The following AMMECR1 variants were observed in gnomAD, a reference collection of about 807,000 sequenced individuals.
AMMECR1 encodes AMMECR nuclear protein 1, also known as nuclear protein AMMECR1.
In AMMECR1, 3 loss-of-function variants were observed where a neutral mutation model predicts 22.5. The observed-to-expected ratio is 0.13, with a 90% CI of 0.06 to 0.35. AMMECR1 has a LOEUF of 0.35. AMMECR1 is among the 10% of genes least tolerant of loss of function. The pLI is 1.00. For missense variants in AMMECR1, 235 were observed against 278.7 expected, an observed-to-expected ratio of 0.84 and a Z score of 1.12; for synonymous variants, 130 against 116.7, an observed-to-expected ratio of 1.11 and a Z score of -0.74.
intron 2 of AMMECR1, among the ~76,000 whole-genome samples, chrX:110,411,956 T>C (rs1049162602): frequency 8.9e-6 from 1 of 112,657 alleles, no homozygotes; most frequent in Non-Finnish European, 1.9e-5. Context: ...AACGAGCTTC[T>C]GTAGACCAAT....
intron 1 of AMMECR1, among the ~76,000 whole-genome samples, chrX:110,427,995 G>A (rs777068323): frequency 8.9e-6 from 1 of 111,858 alleles, no homozygotes; most frequent in South Asian, 3.8e-4. Flanking sequence ...TGGGTTAGAT[G>A]CCCCTCCTCT....
At chrX:110,229,868 C>T (rs767029616) in intron 2 of AMMECR1, among the ~76,000 whole-genome samples, 1 of 112,658 alleles carries the variant, frequency 8.9e-6, no homozygotes, top group Non-Finnish European at 1.9e-5. Flanking sequence ...GTGCCTGGCT[C>T]GGCAGCTCCC....
At chrX:110,209,468 T>A (rs186019345) in intron 3 of AMMECR1, among the ~76,000 whole-genome samples, 1 of 112,425 alleles carries the variant, frequency 8.9e-6, no homozygotes, top group Admixed American at 9.4e-5. Context: ...AATGGAGACA[T>A]TAATGGCTTA....
Position 110,201,019 on chromosome X carries a change from T to C in AMMECR1, c.822A>G (p.Leu274=), listed in dbSNP as rs146457392. 171 of 1,202,537 alleles carry C rather than the reference T, an allele frequency of 1.4e-4. 1 individual carries two copies. The highest frequency in any genetic ancestry group is 1.4e-4 in the Non-Finnish European group (121 of 888,961). The change falls in exon 5 of 6, where the codon TTA becomes TTG. Residue 274 remains leucine, a synonymous_variant. Coordinates refer to ENST00000262844, the MANE Select transcript of AMMECR1 (RefSeq NM_015365.3). ...GWDHIQTIDS[L]LRKGGYKAPI... ...GAGCTTTGTATCCTCCTTTCCTCAA[T>C]AAGGAGTCTATGGTCTGTATATGGT... is the stretch of plus-strand genomic sequence containing the variant.
At chrX:110,303,540 T>C (rs2067979272) in intron 1 of AMMECR1, among the ~76,000 whole-genome samples, 1 of 112,221 alleles carries the variant, frequency 8.9e-6, no homozygotes, top group South Asian at 3.7e-4. Flanking sequence ...TAAAAACCAC[T>C]GGATTCCATT....
chrX:110,274,863 T>G (rs1487973135), intron 1 of AMMECR1, among the ~76,000 whole-genome samples: 1 of 111,864 alleles, frequency 8.9e-6, no homozygotes, highest in African/African-American at 3.2e-5. Flanking sequence ...ATTATTAGCT[T>G]ATTAGTTATG....
intron 2 of AMMECR1, among the ~76,000 whole-genome samples, chrX:110,254,740 C>A (rs1156624816): frequency 8.9e-6 from 1 of 112,137 alleles, no homozygotes; most frequent in Admixed American, 9.5e-5. Context: ...AAGTAAACTT[C>A]CCTTCCATTT....
At chrX:110,225,732 G>T (rs1239276683) in intron 2 of AMMECR1, among the ~76,000 whole-genome samples, 4 of 111,934 alleles carry the variant, frequency 3.6e-5, no homozygotes, top group African/African-American at 9.7e-5. Flanking sequence ...TTCTGGATTT[G>T]GGATGCTCAA....
At chrX:110,418,728 C>A (rs1226754641) in intron 2 of AMMECR1, among the ~76,000 whole-genome samples, 1 of 111,463 alleles carries the variant, frequency 9.0e-6, no homozygotes, top group Non-Finnish European at 1.9e-5. Context: ...GAAACGGAGC[C>A]GAATACCTGA....
At chrX:110,240,233 A>G (rs2067623711) in intron 2 of AMMECR1, among the ~76,000 whole-genome samples, 1 of 110,673 alleles carries the variant, frequency 9.0e-6, no homozygotes, top group East Asian at 2.8e-4. Flanking sequence ...TAAATGGGCT[A>G]AATGCCCCAA....
intron 2 of AMMECR1, among the ~76,000 whole-genome samples, chrX:110,410,230 G>C (rs757564685): frequency 2.0e-4 from 22 of 111,489 alleles, no homozygotes; most frequent in Non-Finnish European, 2.3e-4. Flanking sequence ...GGGACGATCT[G>C]ACATTATTAG....
Position 110,244,336 on chromosome X carries a change from G to T in AMMECR1, c.584+20153C>A, listed in dbSNP as rs138400320. Among the ~76,000 whole-genome samples the T allele has an allele frequency of 4.4e-3, 491 of 111,237 alleles. 1 individual carries two copies. Among genetic ancestry groups the T allele is most frequent in the Non-Finnish European group, 6.8e-3 (361 of 52,908 alleles). On this transcript the variant is annotated intron_variant, in intron 2 of 5. Transcript: ENST00000262844. ...GAGTCAGGGTAATAGTAATAGTCAG[G>T]GATGTAACTTGGGCTGCTTGTATAT...
intron 1 of AMMECR1, among the ~76,000 whole-genome samples, chrX:110,298,826 A>C (rs999916093): frequency 1.8e-5 from 2 of 111,774 alleles, no homozygotes; most frequent in African/African-American, 6.5e-5. Context: ...AATTATGTGG[A>C]GTTCAATGTT....
intron 2 of AMMECR1, among the ~76,000 whole-genome samples, chrX:110,423,212 C>T (rs1306163735): frequency 2.7e-5 from 3 of 110,651 alleles, no homozygotes; most frequent in African/African-American, 9.9e-5. Flanking sequence ...CCTGTAATCC[C>T]AGCTACTCGG....
At chrX:110,375,600 T>C (rs2068371114) in intron 2 of AMMECR1, among the ~76,000 whole-genome samples, 1 of 111,880 alleles carries the variant, frequency 8.9e-6, no homozygotes, top group Non-Finnish European at 1.9e-5. Context: ...CCTGCCTGCC[T>C]CACAGAGTTA....
chrX:110,367,621 G>C (rs2068306000), intron 2 of AMMECR1, among the ~76,000 whole-genome samples: 1 of 110,612 alleles, frequency 9.0e-6, no homozygotes, highest in South Asian at 3.9e-4. Context: ...TAACTAGGTT[G>C]TCTGATTGGC....
At chrX:110,296,028 TA>T (rs2067934131) in intron 1 of AMMECR1, among the ~76,000 whole-genome samples, 1 of 112,248 alleles carries the variant, frequency 8.9e-6, no homozygotes, top group African/African-American at 3.2e-5. Flanking sequence ...TTTATTTCTG[TA>T]CATTCAACTT....
At chrX:110,359,263 C>T (rs1035952457) in intron 2 of AMMECR1, among the ~76,000 whole-genome samples, 1 of 111,058 alleles carries the variant, frequency 9.0e-6, no homozygotes, top group Non-Finnish European at 1.9e-5. Context: ...CTGGGCAAGT[C>T]TACTTTGCTA....
At chrX:110,284,217 A>G (rs190360215) in intron 1 of AMMECR1, among the ~76,000 whole-genome samples, 1 of 112,480 alleles carries the variant, frequency 8.9e-6, no homozygotes, top group East Asian at 2.8e-4. Flanking sequence ...AAGCTGGTTA[A>G]GTCATGGTAG....
Sources: gnomAD v4.1 joint callset for allele counts (sites outside exome capture counted in the v4.1 genomes callset) on GRCh38, gnomAD v4.1.1 for gene constraint, MANE v1.5 for transcripts, NCBI Gene and HGNC (gene_info 2026-07-23, HGNC 2026-07-21) for gene names.